Variants in MINK1 observed in about 807,000 individuals in gnomAD.
The protein encoded by MINK1 is misshapen like kinase 1, also known as misshapen-like kinase 1.
MINK1 carries 46 observed loss-of-function variants against 178.4 expected under a neutral mutation model. The ratio of observed to expected loss-of-function variants is 0.26; its 90% CI spans 0.20 to 0.33. MINK1 has a LOEUF of 0.33. MINK1 is among the 10% of genes least tolerant of loss of function. MINK1 has a pLI of 1.00. For synonymous variants in MINK1, 797 were observed against 709.7 expected (o/e 1.12, Z -1.96); for missense variants, 1,366 against 1,814.9 (o/e 0.75, Z 4.49).
In MINK1 at chr17:4,897,322, C is replaced by G. The variant is rs1969651490; in HGVS notation, c.*35C>G. On this transcript the variant is annotated 3_prime_UTR_variant, in exon 32 of 32. Transcript: ENST00000355280. Reference sequence around the variant, plus strand: ...GGGCTGGGGCTGTCCCACACTGGACCCAGCTCTCCCCCTGCAGCCAGGCTT... The same window carrying G: ...GGGCTGGGGCTGTCCCACACTGGACGCAGCTCTCCCCCTGCAGCCAGGCTT... 1.9e-6 allele frequency: 3 copies of G among 1,593,744 alleles called. No individual in the cohort carries two copies. The South Asian group carries it at 3.3e-5, about 18-fold the overall frequency.
intron 1 of MINK1, among the ~76,000 whole-genome samples, chr17:4,840,847 C>G (rs908245599): frequency 2.0e-5 from 3 of 152,088 alleles, no homozygotes; most frequent in Admixed American, 6.6e-5. Flanking sequence ...GAGCCAGGCT[C>G]TGGGACCAGC....
At chr17:4,893,324 C>G in intron 20 of MINK1, 110 bp from the exon 21 acceptor site, 1 of 1,613,770 alleles carries the variant, frequency 6.2e-7, no homozygotes, top group Non-Finnish European at 8.5e-7. Context: ...GTGAGATGGG[C>G]CTGCTTGTGG....
chr17:4,892,999 T>G lies in MINK1; in HGVS notation c.2332T>G (p.Ser778Ala). 6.3e-7 allele frequency: 1 copy of G among 1,577,272 alleles called. No homozygotes were observed. The highest frequency in any genetic ancestry group is 1.2e-5 in the South Asian group (1 of 85,728). The change falls in exon 20 of 32, where the codon TCC (serine) becomes GCC (alanine). Residue 778 changes from serine to alanine, a missense_variant. Ser to Ala is a moderately conservative substitution (Grantham distance 99). Coordinates refer to ENST00000355280, the MANE Select transcript of MINK1 (RefSeq NM_153827.5). ...RVGVSSKPDS[S>A]PVLSPGNKAK... is the part of the protein sequence containing the mutation. ...TCCAGTCTCCTCCAAACCGGACAGCTCCCCTGTGCTCTCCCCTGGGAATAA... is the reference window on the plus strand; with the variant it reads ...TCCAGTCTCCTCCAAACCGGACAGCGCCCCTGTGCTCTCCCCTGGGAATAA...
chr17:4,865,208 A>G (rs1914756832), intron 1 of MINK1, among the ~76,000 whole-genome samples: 1 of 152,146 alleles, frequency 6.6e-6, no homozygotes, highest in Non-Finnish European at 1.5e-5. Context: ...AGGCGGGCAG[A>G]TCACCTGAGG....
intron 1 of MINK1, among the ~76,000 whole-genome samples, chr17:4,841,424 G>A (rs547654747): frequency 2.1e-4 from 32 of 152,050 alleles, no homozygotes; most frequent in Non-Finnish European, 3.8e-4. Context: ...TATGAACAGC[G>A]GTCCTGGCAG....
In MINK1 at chr17:4,886,021, T is replaced by A; in HGVS notation, c.694+56T>A. On this transcript the variant is annotated intron_variant, in intron 8 of 31. Transcript: ENST00000355280. This position sits in a 1 kb window ranked among gnomAD's most constrained non-coding sequence, Gnocchi z 6.1. The stretch of plus-strand genomic sequence containing the variant: ...GGAGGGAAAGGAAGGGCCCAGAGAG[T>A]GGCTGTAGGGAGGAGGTGGGTCCTG... The A allele has an allele frequency of 1.2e-6, 2 of 1,608,086 alleles. No individual in the cohort carries two copies. The highest frequency in any genetic ancestry group is 2.2e-5 in the South Asian group (2 of 90,896).
rs775944221 is a variant in MINK1 at position 4,897,311 on chromosome 17, C to T, written c.*24C>T. Reference sequence around the variant, plus strand: ...GACGGGGCCCTGGGCTGGGGCTGTCCCACACTGGACCCAGCTCTCCCCCTG... The same window carrying T: ...GACGGGGCCCTGGGCTGGGGCTGTCTCACACTGGACCCAGCTCTCCCCCTG... On this transcript the variant is annotated 3_prime_UTR_variant, in exon 32 of 32. Transcript: ENST00000355280. 1.2e-6 allele frequency: 2 copies of T among 1,605,142 alleles called. No individual in the cohort carries two copies. Among genetic ancestry groups the T allele is most frequent in the African/African-American group, 2.7e-5 (2 of 74,694 alleles).
At chr17:4,841,894 G>A (rs577184338) in intron 1 of MINK1, among the ~76,000 whole-genome samples, 1 of 152,122 alleles carries the variant, frequency 6.6e-6, no homozygotes, top group Admixed American at 6.6e-5. Context: ...TGGCCTCCAG[G>A]GGGTGTTCGG....
chr17:4,861,988 A>T (rs1222705034), intron 1 of MINK1, among the ~76,000 whole-genome samples: 3 of 152,204 alleles, frequency 2.0e-5, no homozygotes, highest in Non-Finnish European at 4.4e-5. Context: ...TGCTGTTTTC[A>T]TTCGGGCACC....
chr17:4,863,227 C>G (rs1270469621), intron 1 of MINK1, among the ~76,000 whole-genome samples: 1 of 152,150 alleles, frequency 6.6e-6, no homozygotes, highest in Admixed American at 6.6e-5. Flanking sequence ...GTCACTCTCC[C>G]GCTTCTGTCT....
Position 4,890,671 on chromosome 17 carries a change from G to A in MINK1, c.1502G>A (p.Arg501Lys), listed in dbSNP as rs1968698488. 1.3e-6 allele frequency: 2 copies of A among 1,551,174 alleles called. No homozygotes were observed. The highest frequency in any genetic ancestry group is 2.4e-5 in the South Asian group (2 of 84,046). ...CAGCAGCAGCTCCTGCCTGGGGACA[G>A]GAAGCCCCTGTACCATTATGGTCGG... ...QQQQQLLPGDRKPLYHYGRGM... is the reference protein window; with the variant it reads ...QQQQQLLPGDKKPLYHYGRGM... Residue 501 changes from arginine (R) to lysine (K), a missense_variant, in exon 14 of 32, where the codon AGG (arginine) becomes AAG (lysine). By Grantham distance (26) the Arg-to-Lys change is conservative (BLOSUM62 2). Coordinates refer to ENST00000355280, the MANE Select transcript of MINK1 (RefSeq NM_153827.5).
intron 1 of MINK1, among the ~76,000 whole-genome samples, chr17:4,857,738 G>A (rs1227900913): frequency 1.3e-5 from 2 of 152,026 alleles, no homozygotes; most frequent in Non-Finnish European, 1.5e-5. Context: ...AAAGTGCTGC[G>A]ATTATAGGGG....
intron 1 of MINK1, among the ~76,000 whole-genome samples, chr17:4,877,824 T>TG (rs1278465858): frequency 6.7e-6 from 1 of 149,024 alleles, no homozygotes; most frequent in Non-Finnish European, 1.5e-5. Context: ...TTTTTTTTTT[T>TG]TTTTGAGACG....
rs1382062763 is a variant in MINK1 at position 4,892,245 on chromosome 17, G to A, written c.2087+11G>A. 1 of 1,564,514 alleles carries A rather than the reference G, an allele frequency of 6.4e-7. No homozygotes were observed. Among genetic ancestry groups the A allele is most frequent in the Non-Finnish European group, 8.7e-7 (1 of 1,155,124 alleles). On this transcript the variant is annotated intron_variant, in intron 17 of 31. Transcript: ENST00000355280. Reference sequence around the variant, plus strand: ...GGCAGTCCGTGCCAGGTAATGCCTGGGTAGGGCAACGCCTGGGTGAGGTCT... The same window carrying A: ...GGCAGTCCGTGCCAGGTAATGCCTGAGTAGGGCAACGCCTGGGTGAGGTCT...
intron 1 of MINK1, among the ~76,000 whole-genome samples, chr17:4,868,133 C>T (rs8069217): frequency 0.075 from 11,331 of 151,958 alleles, 466 homozygotes; most frequent in Non-Finnish European, 0.094. Context: ...TACACCACCA[C>T]GCCCAGCTAA....
intron 1 of MINK1, among the ~76,000 whole-genome samples, chr17:4,850,385 G>A (rs920410816): frequency 6.6e-6 from 1 of 152,180 alleles, no homozygotes; most frequent in Non-Finnish European, 1.5e-5. Flanking sequence ...TGTCTCACCT[G>A]CGTCTCTTCA....
At chr17:4,846,401 C>T (rs776175826) in intron 1 of MINK1, among the ~76,000 whole-genome samples, 1 of 152,200 alleles carries the variant, frequency 6.6e-6, no homozygotes, top group Non-Finnish European at 1.5e-5. Flanking sequence ...CACCACAATT[C>T]CTCTTACTGC....
rs368586022 is a variant in MINK1, at chr17:4,838,966, C to T, written c.57+5326C>T. 2.1e-4 allele frequency among the ~76,000 whole-genome samples: 32 copies of T among 149,244 alleles called. No homozygotes were observed. The East Asian group carries it at 4.1e-3, about 19-fold the overall frequency. ...TAGACTCTTTTTTTTTTTTTTGAGA[C>T]GCAGTCTCGCACTGTCGCCCAGGCT... On this transcript the variant is annotated intron_variant, in intron 1 of 31. Coordinates refer to ENST00000355280, the MANE Select transcript of MINK1 (RefSeq NM_153827.5).
intron 1 of MINK1, chr17:4,844,563 T>A: frequency 2.0e-6 from 1 of 510,660 alleles, no homozygotes; most frequent in South Asian, 1.4e-5. Flanking sequence ...GTGGGGAGAG[T>A]GAGTGACCTC....
Sources: gnomAD v4.1 joint callset for allele counts (sites outside exome capture counted in the v4.1 genomes callset) on GRCh38, gnomAD v4.1.1 for gene constraint, Gnocchi (gnomAD v3.1) non-coding constraint, MANE v1.5 for transcripts, NCBI Gene and HGNC (gene_info 2026-07-23, HGNC 2026-07-21) for gene names.